CDH8: variants seen among roughly 807,000 people sequenced by gnomAD.
CDH8 encodes cadherin 8, also known as cadherin-8.
In CDH8, 17 loss-of-function variants were observed where a neutral mutation model predicts 68.1. That is an observed-to-expected ratio of 0.25 (90% CI 0.17 to 0.37). CDH8 has a LOEUF of 0.37. Among genes scored for constraint, CDH8 ranks in the 10% least tolerant of loss-of-function variants. The pLI is 1.00. For missense variants in CDH8, 763 were observed against 999.3 expected (o/e 0.76, Z 3.19); for synonymous variants, 372 against 365.1 (o/e 1.02, Z -0.21).
intron 3 of CDH8, among the ~76,000 whole-genome samples, chr16:61,888,978 G>C (rs368444054): frequency 2.6e-5 from 4 of 152,210 alleles, no homozygotes; most frequent in Admixed American, 1.3e-4. Context: ...CTGACAAAAG[G>C]AAAATGAATG....
At chr16:61,710,003 G>T (rs1964603263) in intron 10 of CDH8, among the ~76,000 whole-genome samples, 2 of 152,106 alleles carry the variant, frequency 1.3e-5, no homozygotes, top group Non-Finnish European at 2.9e-5. Context: ...AAGATTTAAA[G>T]CTTCAAAGAG....
intron 10 of CDH8, among the ~76,000 whole-genome samples, chr16:61,702,057 T>C (rs186142446): frequency 9.2e-5 from 14 of 152,252 alleles, no homozygotes; most frequent in African/African-American, 3.1e-4. Context: ...AGAGACACTG[T>C]TGTCTTCCTA....
chr16:61,787,855 A>T lies in CDH8; in HGVS notation c.1414+1491T>A, dbSNP rs559539125. Among the ~76,000 whole-genome samples the T allele has an allele frequency of 8.6e-3, 1,178 of 136,770 alleles. 19 individuals carry two copies. The highest frequency in any genetic ancestry group is 0.029 in the African/African-American group (1,108 of 37,754). 89.7% of individuals were successfully genotyped at this position (136,770 alleles called of 152,430 possible). On this transcript the variant is annotated intron_variant, in intron 8 of 11. Transcript: ENST00000577390. Reference sequence around the variant, plus strand: ...CTATCGCAAGAACAAAAAACCAAACACGGCATATTCTCACTCATAGGTGGG... The same window carrying T: ...CTATCGCAAGAACAAAAAACCAAACTCGGCATATTCTCACTCATAGGTGGG...
At chr16:61,856,766 G>A (rs1454381454) in intron 4 of CDH8, among the ~76,000 whole-genome samples, 2 of 152,022 alleles carry the variant, frequency 1.3e-5, no homozygotes, top group East Asian at 3.9e-4. Context: ...TGTGCAAATT[G>A]GAACTTAGAT....
At chr16:61,949,480 G>C (rs370420474) in intron 2 of CDH8, among the ~76,000 whole-genome samples, 2 of 152,128 alleles carry the variant, frequency 1.3e-5, no homozygotes, top group East Asian at 3.9e-4. Context: ...CCACACTGTG[G>C]AAGCTTTGTT....
chr16:61,884,401 T>C (rs541834178), intron 3 of CDH8, among the ~76,000 whole-genome samples: 2 of 147,846 alleles, frequency 1.4e-5, no homozygotes, highest in African/African-American at 5.0e-5. Flanking sequence ...GGAGAGGGAG[T>C]CTCGCTCTAT....
chr16:61,758,519 G>A (rs1960379530), intron 8 of CDH8, among the ~76,000 whole-genome samples: 1 of 151,996 alleles, frequency 6.6e-6, no homozygotes, highest in Non-Finnish European at 1.5e-5. Context: ...TGCAACTTCT[G>A]CCCTCTGGAT....
At position 61,948,271 on chromosome 16, in the gene CDH8, G is replaced by A. The variant is rs1017161322; in HGVS notation, c.253-46798C>T. 5.3e-5 allele frequency among the ~76,000 whole-genome samples: 8 copies of A among 152,208 alleles called. No homozygotes were observed. In the East Asian group the frequency reaches 1.2e-3, roughly 22 times the overall value. ...TTTCTGATCTCCTGCTTCTCTGCTC[G>A]TTCTGATCTAATCATTGTCGGGTAT... On this transcript the variant is annotated intron_variant, in intron 2 of 11. Coordinates refer to ENST00000577390, the MANE Select transcript of CDH8 (RefSeq NM_001796.5).
At chr16:62,002,334 T>G (rs1236690216) in intron 2 of CDH8, among the ~76,000 whole-genome samples, 1 of 152,124 alleles carries the variant, frequency 6.6e-6, no homozygotes, top group African/African-American at 2.4e-5. Flanking sequence ...ATCAGAAAAG[T>G]TTAGGATTGA....
chr16:61,997,527 G>A (rs191986683), intron 2 of CDH8, among the ~76,000 whole-genome samples: 6 of 152,226 alleles, frequency 3.9e-5, no homozygotes, highest in Admixed American at 2.0e-4. Flanking sequence ...TTAAAATCAC[G>A]AATTAATGCT....
intron 3 of CDH8, among the ~76,000 whole-genome samples, chr16:61,888,027 C>T (rs990905779): frequency 6.6e-6 from 1 of 152,062 alleles, no homozygotes; most frequent in African/African-American, 2.4e-5. Flanking sequence ...TGGCATGAGA[C>T]GTTGGAAGCA....
intron 2 of CDH8, among the ~76,000 whole-genome samples, chr16:61,948,768 T>C (rs1030246603): frequency 6.6e-6 from 1 of 152,196 alleles, no homozygotes; most frequent in Non-Finnish European, 1.5e-5. Context: ...TAAGAAATCT[T>C]CCTTTTTAAA....
intron 1 of CDH8, among the ~76,000 whole-genome samples, chr16:62,030,256 G>A (rs1032219095): frequency 6.6e-6 from 1 of 152,186 alleles, no homozygotes; most frequent in Non-Finnish European, 1.5e-5. Context: ...TAAGGGAGTT[G>A]CTTATGCAGA....
intron 10 of CDH8, among the ~76,000 whole-genome samples, chr16:61,664,069 G>A (rs976469665): frequency 6.6e-6 from 1 of 151,914 alleles, no homozygotes; most frequent in African/African-American, 2.4e-5. Flanking sequence ...GGCCTTTTCT[G>A]AGTCAAACAT....
intron 10 of CDH8, among the ~76,000 whole-genome samples, chr16:61,664,943 A>G (rs918474328): frequency 6.6e-6 from 1 of 152,056 alleles, no homozygotes; most frequent in African/African-American, 2.4e-5. Flanking sequence ...ATTCTTTCAC[A>G]CAACATTAAT....
In CDH8 at chr16:61,650,956, C is replaced by T. The variant is rs961058342; in HGVS notation, c.*2652G>A. 15 of 151,918 alleles carry T rather than the reference C, an allele frequency of 9.9e-5. No homozygotes were observed. Among genetic ancestry groups the T allele is most frequent in the African/African-American group, 3.1e-4 (13 of 41,380 alleles). 9.4% of individuals were successfully genotyped at this position (151,918 alleles called of 1,614,324 possible). ...TTCCTAGGCAAAGAGAATACTTAGG[C>T]GATATTTGGGCAACTAGTAGAGCAG... is the stretch of plus-strand genomic sequence containing the variant. On this transcript the variant is annotated 3_prime_UTR_variant, in exon 12 of 12. Transcript: ENST00000577390.
chr16:61,667,766 A>T (rs1253056290), intron 10 of CDH8: 4 of 152,058 alleles, frequency 2.6e-5, no homozygotes, highest in Admixed American at 2.6e-4. Context: ...ATCTGATTAC[A>T]TATATTTATG....
intron 2 of CDH8, among the ~76,000 whole-genome samples, chr16:61,962,176 G>C (rs1344358317): frequency 1.3e-5 from 2 of 152,124 alleles, no homozygotes; most frequent in African/African-American, 4.8e-5. Context: ...GGAGGAGGAG[G>C]GGCTTGTCTT....
chr16:61,699,284 T>C (rs1964379762), intron 10 of CDH8, among the ~76,000 whole-genome samples: 1 of 152,204 alleles, frequency 6.6e-6, no homozygotes, highest in Non-Finnish European at 1.5e-5. Flanking sequence ...TGATAAGGCA[T>C]TTCCAGGAGA....
Sources: gnomAD v4.1 joint callset for allele counts (sites outside exome capture counted in the v4.1 genomes callset) on GRCh38, gnomAD v4.1.1 for gene constraint, MANE v1.5 for transcripts, NCBI Gene and HGNC (gene_info 2026-07-23, HGNC 2026-07-21) for gene names.